The following GNB4 variants were observed in gnomAD, a reference collection of about 807,000 sequenced individuals.
The protein encoded by GNB4 is G protein subunit beta 4, also known as guanine nucleotide-binding protein subunit beta-4.
GNB4 carries 28 observed loss-of-function variants against 45.2 expected under a neutral mutation model. That is an observed-to-expected ratio of 0.62 (90% CI 0.46 to 0.85). The LOEUF is 0.85. Ranked by LOEUF, GNB4 falls within the 40% of genes least tolerant of loss-of-function variation. The pLI, the probability that GNB4 is intolerant of heterozygous loss-of-function variation, is 0.00. For synonymous variants in GNB4, 132 were observed against 143.7 expected (o/e 0.92, Z 0.58); for missense variants, 321 against 425.4 (o/e 0.75, Z 2.16).
intron 9 of GNB4, among the ~76,000 whole-genome samples, chr3:179,402,599 C>T (rs1577023786): frequency 6.6e-6 from 1 of 152,154 alleles, no homozygotes; most frequent in South Asian, 2.1e-4. Flanking sequence ...TCCACAAGGA[C>T]AGTGAGATGA....
At chr3:179,457,057 A>G in the GNB4 span, among the ~76,000 whole-genome samples, 1 of 151,870 alleles carries the variant, frequency 6.6e-6, no homozygotes, top group Admixed American at 6.5e-5. Flanking sequence ...TACTCTAAAC[A>G]TGTTTATTTG....
chr3:179,431,001 C>T (rs1417603662), intron 1 of GNB4, among the ~76,000 whole-genome samples: 1 of 152,060 alleles, frequency 6.6e-6, no homozygotes, highest in Non-Finnish European at 1.5e-5. Flanking sequence ...GACATTTCAG[C>T]CCTAAATACT....
chr3:179,405,920 T>C (rs1282973612), intron 8 of GNB4: 1 of 152,232 alleles, frequency 6.6e-6, no homozygotes, highest in Non-Finnish European at 1.5e-5. Context: ...GTCAACATTA[T>C]TAAATAACAC....
At chr3:179,456,011 G>A (rs1715970703), upstream of GNB4, among the ~76,000 whole-genome samples, 1 of 151,956 alleles carries the variant, frequency 6.6e-6, no homozygotes. Context: ...GAAATGCATA[G>A]CATTTTTATG....
At chr3:179,527,757 T>C in the GNB4 span, among the ~76,000 whole-genome samples, 3 of 151,110 alleles carry the variant, frequency 2.0e-5, no homozygotes, top group South Asian at 4.2e-4. Flanking sequence ...AAGAGGAGGA[T>C]AGAAGATTGC....
At chr3:179,497,803 C>T in the GNB4 span, among the ~76,000 whole-genome samples, 1 of 152,156 alleles carries the variant, frequency 6.6e-6, no homozygotes, top group Non-Finnish European at 1.5e-5. Context: ...AGATTCTCAA[C>T]ATCACTAATC....
chr3:179,456,285 G>A (rs1342011755), upstream of GNB4, among the ~76,000 whole-genome samples: 2 of 151,920 alleles, frequency 1.3e-5, no homozygotes, highest in Non-Finnish European at 2.9e-5. Context: ...TAGAGGCGGG[G>A]TTTCACCATG....
chr3:179,518,022 A>AC, the GNB4 span, among the ~76,000 whole-genome samples: 1 of 150,248 alleles, frequency 6.7e-6, no homozygotes, highest in Non-Finnish European at 1.5e-5. Flanking sequence ...GGGGGCAAGC[A>AC]CCCCCCATCC....
At chr3:179,422,919 A>T (rs1715033972) in intron 2 of GNB4, among the ~76,000 whole-genome samples, 1 of 151,990 alleles carries the variant, frequency 6.6e-6, no homozygotes. Context: ...CAGCCTCCCG[A>T]GTAGCTGGGA....
At chr3:179,498,434 T>G in the GNB4 span, among the ~76,000 whole-genome samples, 1 of 152,104 alleles carries the variant, frequency 6.6e-6, no homozygotes, top group Non-Finnish European at 1.5e-5. Context: ...TTGAGTTTTG[T>G]TTTTTTGTTT....
intron 8 of GNB4, chr3:179,405,913 A>G (rs1451539755): frequency 6.6e-6 from 1 of 152,236 alleles, no homozygotes; most frequent in African/African-American, 2.4e-5. Context: ...CTCTCAAGTC[A>G]ACATTATTAA....
At chr3:179,419,644 C>A in intron 3 of GNB4, 139 bp from the exon 4 acceptor site, 1 of 631,960 alleles carries the variant, frequency 1.6e-6, no homozygotes, top group Non-Finnish European at 2.8e-6. Context: ...GTATATAATT[C>A]CACAGAGCCG....
At chr3:179,523,038 G>T in the GNB4 span, among the ~76,000 whole-genome samples, 4 of 152,056 alleles carry the variant, frequency 2.6e-5, no homozygotes, top group Non-Finnish European at 5.9e-5. Context: ...GGTCAGCTAG[G>T]TTTGCTTTTG....
At chr3:179,496,734 G>A in the GNB4 span, among the ~76,000 whole-genome samples, 2 of 151,986 alleles carry the variant, frequency 1.3e-5, no homozygotes, top group East Asian at 1.9e-4. Flanking sequence ...AAACTGTAAC[G>A]GGAGACAAAG....
At chr3:179,412,731 ATTG>A (rs1423955611) in intron 8 of GNB4, among the ~76,000 whole-genome samples, 1 of 151,536 alleles carries the variant, frequency 6.6e-6, no homozygotes, top group Non-Finnish European at 1.5e-5. Context: ...TTTCATCCTT[ATTG>A]TTCTCTCTTT....
chr3:179,460,221 G>A, the GNB4 span, among the ~76,000 whole-genome samples: 1 of 152,154 alleles, frequency 6.6e-6, no homozygotes, highest in Non-Finnish European at 1.5e-5. Context: ...CATTGCAAAT[G>A]AGTCTGTGTT....
chr3:179,506,662 C>T, the GNB4 span, among the ~76,000 whole-genome samples: 1 of 152,180 alleles, frequency 6.6e-6, no homozygotes, highest in Non-Finnish European at 1.5e-5. Flanking sequence ...AATTCATTCA[C>T]ACTGAAGCAA....
rs944862287 is a variant in GNB4, at chr3:179,396,479, A to G, written c.*4734T>C. The G allele has an allele frequency of 6.6e-6, 1 of 152,250 alleles. No individual in the cohort carries two copies. Among genetic ancestry groups the G allele is most frequent in the East Asian group, 1.9e-4 (1 of 5,200 alleles). The allele number at this position is 152,250 out of a possible 1,614,324, so 9.4% of individuals were successfully genotyped here. On this transcript the variant is annotated 3_prime_UTR_variant, in exon 10 of 10. Transcript: ENST00000232564. ...TGAAAAGAAAACAATAGGATAGAGC[A>G]CCATTGTGTAAAAGACAAAAGGCTT...
At chr3:179,470,116 A>G in the GNB4 span, among the ~76,000 whole-genome samples, 1 of 152,238 alleles carries the variant, frequency 6.6e-6, no homozygotes, top group Non-Finnish European at 1.5e-5. Context: ...ACAATTAGGT[A>G]CATGCAATAT....
Sources: allele counts gnomAD v4.1 joint callset (sites outside exome capture counted in the v4.1 genomes callset), GRCh38; gene constraint gnomAD v4.1.1; transcripts MANE v1.5; gene names NCBI Gene and HGNC (gene_info 2026-07-23, HGNC 2026-07-21).